Variants in SLC8A1 observed in about 807,000 individuals in gnomAD.
SLC8A1 encodes the protein sodium/calcium exchanger 1.
SLC8A1 carries 18 observed loss-of-function variants against 68.3 expected under a neutral mutation model. The observed-to-expected ratio is 0.26, with a 90% CI of 0.18 to 0.39. The LOEUF (loss-of-function observed/expected upper bound fraction) is 0.39. SLC8A1 is among the 10% of genes least tolerant of loss of function. The pLI is 1.00. For synonymous variants in SLC8A1, 475 were observed against 415.5 expected (o/e 1.14, Z -1.74); for missense variants, 985 against 1,156.7 (o/e 0.85, Z 2.15).
intron 1 of SLC8A1, chr2:40,446,390 TG>T (rs1298754541): frequency 6.6e-6 from 1 of 152,236 alleles, no homozygotes; most frequent in Non-Finnish European, 1.5e-5. Flanking sequence ...GTCTAGAAAC[TG>T]CCCTAACATT....
At chr2:40,379,402 T>C (rs1203979582) in intron 2 of SLC8A1, among the ~76,000 whole-genome samples, 1 of 152,132 alleles carries the variant, frequency 6.6e-6, no homozygotes, top group African/African-American at 2.4e-5. Flanking sequence ...ATTTTTGTTT[T>C]CTTCCTTCAA....
At chr2:40,178,099 T>TG (rs1404292095) in intron 2 of SLC8A1, among the ~76,000 whole-genome samples, 3 of 152,220 alleles carry the variant, frequency 2.0e-5, no homozygotes. Context: ...TACCCCATTT[T>TG]GGGGTATTTT....
At chr2:40,337,147 G>A (rs1299881430) in intron 2 of SLC8A1, among the ~76,000 whole-genome samples, 1 of 152,146 alleles carries the variant, frequency 6.6e-6, no homozygotes, top group Non-Finnish European at 1.5e-5. Context: ...CTAATGTGCT[G>A]ACCATAGTTT....
At chr2:40,148,679 G>A (rs1480519817) in intron 6 of SLC8A1, among the ~76,000 whole-genome samples, 1 of 152,188 alleles carries the variant, frequency 6.6e-6, no homozygotes, top group Non-Finnish European at 1.5e-5. Context: ...CACAGATCCT[G>A]TGTGCCTCAG....
chr2:40,145,386 G>A (rs1178475856), intron 6 of SLC8A1, among the ~76,000 whole-genome samples: 1 of 152,118 alleles, frequency 6.6e-6, no homozygotes, highest in Non-Finnish European at 1.5e-5. Context: ...TTTGCCTCTA[G>A]CTCATCACCC....
chr2:40,218,574 CTAA>C (rs2057838587), intron 2 of SLC8A1, among the ~76,000 whole-genome samples: 1 of 151,818 alleles, frequency 6.6e-6, no homozygotes, highest in Admixed American at 6.6e-5. Context: ...TTGCACCAAC[CTAA>C]TATTATCGTA....
At chr2:40,386,609 A>T (rs1000400208) in intron 2 of SLC8A1, among the ~76,000 whole-genome samples, 3 of 128,202 alleles carry the variant, frequency 2.3e-5, no homozygotes, top group Admixed American at 1.6e-4. Flanking sequence ...TTACTTGATG[A>T]AATTTAAAAA....
chr2:40,291,236 A>G (rs2069251337), intron 2 of SLC8A1, among the ~76,000 whole-genome samples: 1 of 152,188 alleles, frequency 6.6e-6, no homozygotes, highest in African/African-American at 2.4e-5. Context: ...TTTCCAGTCT[A>G]AAATGTCAAG....
chr2:40,330,147 G>C lies in SLC8A1; in HGVS notation c.1808+98326C>G, dbSNP rs945068882. 1.2e-4 allele frequency among the ~76,000 whole-genome samples: 19 copies of C among 152,218 alleles called. No individual in the cohort carries two copies. The East Asian group carries it at 3.5e-3, about 28-fold the overall frequency. ...ATGGACTATCCTACGCTATTTATTAGGACTAATGGTTATTCCCAAGACCCG... is the reference window on the plus strand; with the variant it reads ...ATGGACTATCCTACGCTATTTATTACGACTAATGGTTATTCCCAAGACCCG... On this transcript the variant is annotated intron_variant, in intron 2 of 7. Coordinates refer to ENST00000406785, the Ensembl canonical transcript of SLC8A1.
intron 2 of SLC8A1, among the ~76,000 whole-genome samples, chr2:40,351,263 C>A (rs1331291847): frequency 6.6e-6 from 1 of 152,102 alleles, no homozygotes; most frequent in Non-Finnish European, 1.5e-5. Context: ...AATAAATGAA[C>A]AAATACTACA....
intron 3 of SLC8A1, among the ~76,000 whole-genome samples, chr2:40,175,051 C>G (rs1002445795): frequency 1.3e-5 from 2 of 151,962 alleles, no homozygotes; most frequent in African/African-American, 4.8e-5. Context: ...TTGTGCATAC[C>G]TAAGAAATCA....
chr2:40,190,478 A>G (rs1251637220), intron 2 of SLC8A1: 2 of 152,194 alleles, frequency 1.3e-5, no homozygotes, highest in Non-Finnish European at 2.9e-5. Flanking sequence ...CGATGCTGCT[A>G]AAATCTAATT....
chr2:40,495,420 A>G (rs1463400177), intron 1 of SLC8A1, among the ~76,000 whole-genome samples: 2 of 152,100 alleles, frequency 1.3e-5, no homozygotes, highest in Admixed American at 6.6e-5. Context: ...AGTTCAGGAC[A>G]AACTCTTAGA....
At chr2:40,262,400 T>C (rs2064831442) in intron 2 of SLC8A1, among the ~76,000 whole-genome samples, 1 of 152,234 alleles carries the variant, frequency 6.6e-6, no homozygotes, top group Admixed American at 6.5e-5. Context: ...TTTATGAGGC[T>C]TTATCATAAC....
At chr2:40,312,167 C>T (rs1284277214) in intron 2 of SLC8A1, among the ~76,000 whole-genome samples, 1 of 152,156 alleles carries the variant, frequency 6.6e-6, no homozygotes, top group Non-Finnish European at 1.5e-5. Flanking sequence ...TTTACAGGAA[C>T]ATCACCTCAA....
At chr2:40,335,599 A>C (rs1358284469) in intron 2 of SLC8A1, among the ~76,000 whole-genome samples, 1 of 152,270 alleles carries the variant, frequency 6.6e-6, no homozygotes, top group African/African-American at 2.4e-5. Flanking sequence ...AATCATGTGA[A>C]TAATACAAAA....
intron 2 of SLC8A1, among the ~76,000 whole-genome samples, chr2:40,415,239 T>C (rs1401692162): frequency 6.6e-6 from 1 of 152,120 alleles, no homozygotes; most frequent in Non-Finnish European, 1.5e-5. Flanking sequence ...GCTGAATAAT[T>C]GCTTTTTAAA....
chr2:40,148,701 G>A (rs927411180), intron 6 of SLC8A1, among the ~76,000 whole-genome samples: 2 of 152,124 alleles, frequency 1.3e-5, no homozygotes, highest in Non-Finnish European at 2.9e-5. Context: ...TTCTCCTTCT[G>A]GAAAATGGGC....
At chr2:40,196,969 T>C (rs2053168273) in intron 2 of SLC8A1, among the ~76,000 whole-genome samples, 1 of 152,034 alleles carries the variant, frequency 6.6e-6, no homozygotes, top group South Asian at 2.1e-4. Context: ...CTGTAGCATA[T>C]TCTGCAGAGG....
Sources: gnomAD v4.1 joint callset for allele counts (sites outside exome capture counted in the v4.1 genomes callset) on GRCh38, gnomAD v4.1.1 for gene constraint, MANE v1.5 for transcripts, NCBI Gene and HGNC (gene_info 2026-07-23, HGNC 2026-07-21) for gene names.